GPHN: variants seen among roughly 807,000 people sequenced by gnomAD.
GPHN encodes the protein gephyrin.
A neutral mutation model predicts 95.5 loss-of-function variants in GPHN; 17 were observed. That is an observed-to-expected ratio of 0.18 (90% CI 0.12 to 0.27). The LOEUF (loss-of-function observed/expected upper bound fraction) is 0.27. GPHN is among the 10% of genes least tolerant of loss of function. The pLI is 1.00. For synonymous variants in GPHN, 320 were observed against 322.5 expected (o/e 0.99, Z 0.08); for missense variants, 660 against 978.1 (o/e 0.67, Z 4.34).
At chr14:67,595,906 G>A in the GPHN span, among the ~76,000 whole-genome samples, 1 of 152,166 alleles carries the variant, frequency 6.6e-6, no homozygotes, top group Non-Finnish European at 1.5e-5. Flanking sequence ...ATGACTTCTT[G>A]TTAATATAAA....
chr14:66,572,359 G>T (rs7145395), intron 1 of GPHN, among the ~76,000 whole-genome samples: 1 of 151,906 alleles, frequency 6.6e-6, no homozygotes, highest in Non-Finnish European at 1.5e-5. Context: ...CATTTTACCA[G>T]AATTTTTACA....
At chr14:67,059,557 A>G (rs1015344963) in intron 11 of GPHN, among the ~76,000 whole-genome samples, 1 of 152,358 alleles carries the variant, frequency 6.6e-6, no homozygotes, top group Non-Finnish European at 1.5e-5. Flanking sequence ...TACAATGAAC[A>G]GTAGAGAGCA....
intron 1 of GPHN, among the ~76,000 whole-genome samples, chr14:66,600,799 A>AT (rs1470897408): frequency 3.3e-5 from 5 of 152,092 alleles, no homozygotes; most frequent in Non-Finnish European, 1.5e-5. Flanking sequence ...CCTTTATAGT[A>AT]TGAGAGCAGA....
the GPHN span, chr14:67,590,275 CAG>C: frequency 7.1e-6 from 6 of 846,862 alleles, no homozygotes; most frequent in Admixed American, 6.7e-5. Flanking sequence ...TTTTTTGAGA[CAG>C]AGTTTTGCTC....
chr14:67,344,510 G>T, the GPHN span, among the ~76,000 whole-genome samples: 1 of 152,094 alleles, frequency 6.6e-6, no homozygotes, highest in African/African-American at 2.4e-5. Flanking sequence ...GGAAAAAATG[G>T]TCTTCCATGC....
chr14:67,651,879 C>A, the GPHN span, among the ~76,000 whole-genome samples: 2 of 152,200 alleles, frequency 1.3e-5, no homozygotes, highest in Non-Finnish European at 2.9e-5. Context: ...TTGTAAACTT[C>A]TTCCCTCTGC....
chr14:66,619,731 C>CTTTATTTTAT (rs2063207884), intron 1 of GPHN, among the ~76,000 whole-genome samples: 1 of 152,226 alleles, frequency 6.6e-6, no homozygotes, highest in African/African-American at 2.4e-5. Flanking sequence ...TTATATTTTA[C>CTTTATTTTAT]ATGTTATTTT....
the GPHN span, chr14:67,656,280 G>A: frequency 7.5e-5 from 60 of 801,242 alleles, 1 homozygote; most frequent in African/African-American, 1.0e-3. Flanking sequence ...TAAAAATTGA[G>A]AAAAGCATAA....
chr14:67,422,368 C>T, the GPHN span, among the ~76,000 whole-genome samples: 8 of 152,142 alleles, frequency 5.3e-5, no homozygotes, highest in Non-Finnish European at 7.3e-5. Context: ...TGTCTTCCCC[C>T]GTGTGGTATG....
the GPHN span, among the ~76,000 whole-genome samples, chr14:67,370,070 G>C: frequency 6.6e-6 from 1 of 152,260 alleles, no homozygotes; most frequent in Admixed American, 6.5e-5. Context: ...GGGAAATGAA[G>C]GGATGGGCCG....
the GPHN span, among the ~76,000 whole-genome samples, chr14:67,715,960 C>A: frequency 5.3e-5 from 8 of 152,122 alleles, no homozygotes; most frequent in Admixed American, 5.2e-4. Flanking sequence ...CTTTGGGAGG[C>A]CGAGGCGGGC....
chr14:67,280,857 C>CCT, the GPHN span, among the ~76,000 whole-genome samples: 62 of 53,234 alleles, frequency 1.2e-3, no homozygotes, highest in Non-Finnish European at 1.6e-3. Flanking sequence ...CCTTCCTTCC[C>CCT]TCCCTCCCTC....
the GPHN span, chr14:67,359,801 T>C: frequency 1.5e-6 from 2 of 1,339,816 alleles, no homozygotes; most frequent in Non-Finnish European, 2.1e-6. Flanking sequence ...AGTCAGCTGG[T>C]TGTGTCACTT....
chr14:66,979,989 C>T (rs2153597979), intron 9 of GPHN, among the ~76,000 whole-genome samples: 1 of 152,194 alleles, frequency 6.6e-6, no homozygotes, highest in South Asian at 2.1e-4. Context: ...TCAGGGCACA[C>T]ACAGCATTTA....
At chr14:66,947,719 A>T (rs185029304) in intron 8 of GPHN, among the ~76,000 whole-genome samples, 73 of 152,228 alleles carry the variant, frequency 4.8e-4, no homozygotes, top group African/African-American at 1.7e-3. Flanking sequence ...GCCACTCGGG[A>T]GGCTGAGGTG....
At chr14:67,663,754 C>A in the GPHN span, among the ~76,000 whole-genome samples, 1 of 152,086 alleles carries the variant, frequency 6.6e-6, no homozygotes, top group East Asian at 1.9e-4. Context: ...AAGGTGGTAC[C>A]AGAATGCTGT....
chr14:67,730,611 A>T, the GPHN span, among the ~76,000 whole-genome samples: 1 of 151,122 alleles, frequency 6.6e-6, no homozygotes, highest in African/African-American at 2.4e-5. Flanking sequence ...GATCCCAAGC[A>T]TTTTTTTTTG....
At chr14:67,591,716 G>GAT in the GPHN span, 105 of 152,138 alleles carry the variant, frequency 6.9e-4, no homozygotes, top group African/African-American at 2.3e-3. Flanking sequence ...ATTTTTTGTA[G>GAT]AGATGGGGGT....
At chr14:66,977,687 C>T (rs943601178) in intron 9 of GPHN, among the ~76,000 whole-genome samples, 2 of 152,070 alleles carry the variant, frequency 1.3e-5, no homozygotes, top group Non-Finnish European at 2.9e-5. Flanking sequence ...GCTGAAACTA[C>T]AATGTATAGT....
Sources: allele counts gnomAD v4.1 joint callset (sites outside exome capture counted in the v4.1 genomes callset), GRCh38; gene constraint gnomAD v4.1.1; transcripts MANE v1.5; gene names NCBI Gene and HGNC (gene_info 2026-07-23, HGNC 2026-07-21).